Variants in SLC41A3 observed in about 807,000 individuals in gnomAD.
The protein encoded by SLC41A3 is solute carrier family 41 member 3, also known as SLC41A1-like 2.
SLC41A3 carries 44 observed loss-of-function variants against 45.4 expected under a neutral mutation model. That is an observed-to-expected ratio of 0.97 (90% CI 0.76 to 1.25). The LOEUF (loss-of-function observed/expected upper bound fraction) is 1.25. Among genes scored for constraint, SLC41A3 ranks in the 50% most tolerant of loss-of-function variants. The probability of loss-of-function intolerance (pLI) is 0.00; values close to 1 mark genes in which losing one functional copy is unlikely to be tolerated. For synonymous variants in SLC41A3, 256 were observed against 252.4 expected, an observed-to-expected ratio of 1.01 and a Z score of -0.13; for missense variants, 550 against 600.6, an observed-to-expected ratio of 0.92 and a Z score of 0.88.
chr3:126,095,409 C>T, intron 1 of SLC41A3: 1 of 492,960 alleles, frequency 2.0e-6, no homozygotes, highest in Admixed American at 3.8e-5. Flanking sequence ...CAGAAGAAAA[C>T]CTAAGGAAAG....
chr3:126,038,266 G>C (rs1385036883), intron 3 of SLC41A3, among the ~76,000 whole-genome samples: 1 of 152,262 alleles, frequency 6.6e-6, no homozygotes, highest in South Asian at 2.1e-4. Flanking sequence ...CCAATGCCTA[G>C]TGGAGCTTGG....
intron 4 of SLC41A3, among the ~76,000 whole-genome samples, chr3:126,027,277 G>A (rs935487468): frequency 1.4e-5 from 2 of 138,184 alleles, no homozygotes; most frequent in African/African-American, 5.5e-5. Flanking sequence ...CTGTCCCTTG[G>A]TGAAGTCATC....
chr3:126,016,305 G>T (rs9838775), intron 7 of SLC41A3, among the ~76,000 whole-genome samples: 7,906 of 152,322 alleles, frequency 0.052, 641 homozygotes, highest in African/African-American at 0.17. Flanking sequence ...GCCATGTGTG[G>T]CCAGTGACCA....
chr3:126,076,322 T>A (rs538261676), intron 1 of SLC41A3, among the ~76,000 whole-genome samples: 1 of 152,354 alleles, frequency 6.6e-6, no homozygotes, highest in South Asian at 2.1e-4. Context: ...ATCCATGTTG[T>A]TACATGAATC....
chr3:126,093,104 G>C (rs1309899984), intron 1 of SLC41A3, among the ~76,000 whole-genome samples: 1 of 152,154 alleles, frequency 6.6e-6, no homozygotes, highest in Admixed American at 6.5e-5. Flanking sequence ...AGGCTTGGCA[G>C]TTCCCTGTTA....
intron 2 of SLC41A3, among the ~76,000 whole-genome samples, chr3:126,054,099 TG>T (rs1158825637): frequency 4.6e-5 from 7 of 152,178 alleles, no homozygotes; most frequent in African/African-American, 1.4e-4. Flanking sequence ...CACCACTGTC[TG>T]GGGTGGGTTT....
chr3:126,049,953 C>G (rs1020098213), intron 3 of SLC41A3, among the ~76,000 whole-genome samples: 4 of 152,212 alleles, frequency 2.6e-5, no homozygotes, highest in African/African-American at 4.8e-5. Context: ...TCTTTCCTCT[C>G]TTATGCTGCT....
intron 1 of SLC41A3, among the ~76,000 whole-genome samples, chr3:126,090,540 A>G (rs1276182350): frequency 6.6e-6 from 1 of 152,208 alleles, no homozygotes; most frequent in Non-Finnish European, 1.5e-5. Context: ...ATTTTTCTTC[A>G]TATTTTTAAT....
intron 7 of SLC41A3, 139 bp from the exon 8 acceptor site, chr3:126,015,712 C>A: frequency 1.3e-6 from 1 of 787,506 alleles, no homozygotes; most frequent in Non-Finnish European, 2.1e-6. Flanking sequence ...AAAATATCTG[C>A]TGCGGCCAAA....
chr3:126,073,790 T>TA (rs61470731), intron 1 of SLC41A3, among the ~76,000 whole-genome samples: 1,760 of 151,176 alleles, frequency 0.012, 30 homozygotes, highest in African/African-American at 0.041. Flanking sequence ...ACCAAGCATT[T>TA]AAAAAAAAAT....
chr3:126,100,564 G>A (rs1945688960), intron 1 of SLC41A3, among the ~76,000 whole-genome samples: 1 of 152,158 alleles, frequency 6.6e-6, no homozygotes, highest in Non-Finnish European at 1.5e-5. Flanking sequence ...AGAAACAGCT[G>A]TGTGCAACTT....
chr3:126,023,885 G>A (rs1282155196), intron 5 of SLC41A3: 3 of 152,224 alleles, frequency 2.0e-5, no homozygotes, highest in South Asian at 2.1e-4. Flanking sequence ...CCAGGATCTT[G>A]TAACTCTAAA....
intron 6 of SLC41A3, 43 bp downstream of exon 6, chr3:126,022,743 C>A (rs376032519): frequency 2.9e-5 from 47 of 1,610,522 alleles, no homozygotes; most frequent in African/African-American, 2.8e-4. Flanking sequence ...CAGGGCCCCC[C>A]CTCCACGGAG....
chr3:126,008,699 C>T, intron 10 of SLC41A3, 33 bp downstream of exon 10: 1 of 1,610,262 alleles, frequency 6.2e-7, no homozygotes, highest in South Asian at 1.1e-5. Context: ...GACTACACAG[C>T]TGCGCACCTC....
chr3:126,101,228 G>A (rs1282425722), intron 1 of SLC41A3, among the ~76,000 whole-genome samples: 1 of 152,256 alleles, frequency 6.6e-6, no homozygotes, highest in Non-Finnish European at 1.5e-5. Flanking sequence ...GTGCATGTTG[G>A]AAACCGCACA....
chr3:126,051,379 T>A (rs1037283283), intron 2 of SLC41A3, among the ~76,000 whole-genome samples: 2 of 152,128 alleles, frequency 1.3e-5, no homozygotes, highest in Non-Finnish European at 2.9e-5. Flanking sequence ...AAGATGGGAA[T>A]TTCTCATGAA....
chr3:126,064,004 C>T (rs544158918), intron 2 of SLC41A3, among the ~76,000 whole-genome samples: 1 of 151,076 alleles, frequency 6.6e-6, no homozygotes, highest in African/African-American at 2.4e-5. Context: ...CCCTCTGTTG[C>T]CCTTCCTGGA....
chr3:126,063,516 C>T (rs544244524), intron 2 of SLC41A3, among the ~76,000 whole-genome samples: 17 of 152,354 alleles, frequency 1.1e-4, no homozygotes, highest in Admixed American at 2.0e-4. Flanking sequence ...ACAGCATAGG[C>T]GCCCTGGCCT....
At position 126,042,411 on chromosome 3, in the gene SLC41A3, T is replaced by C. The variant is rs568313417; in HGVS notation, c.381+8532A>G. 2.6e-4 allele frequency among the ~76,000 whole-genome samples: 40 copies of C among 152,072 alleles called. No individual in the cohort carries two copies. The South Asian group carries it at 2.9e-3, about 11-fold the overall frequency. Reference sequence around the variant, plus strand: ...ACCTTAAGCCTTCATGCCAGACTAATTGGTGAAGATTTTTCCCTACACAGA... The same window carrying C: ...ACCTTAAGCCTTCATGCCAGACTAACTGGTGAAGATTTTTCCCTACACAGA... On this transcript the variant is annotated intron_variant, in intron 3 of 10. Transcript: ENST00000360370.
Sources: allele counts gnomAD v4.1 joint callset (sites outside exome capture counted in the v4.1 genomes callset), GRCh38; gene constraint gnomAD v4.1.1; transcripts MANE v1.5; gene names NCBI Gene and HGNC (gene_info 2026-07-23, HGNC 2026-07-21).